Variants in ARID1A observed in about 807,000 individuals in gnomAD.
ARID1A encodes AT-rich interaction domain 1A, also known as AT-rich interactive domain-containing protein 1A.
A neutral mutation model predicts 212.6 loss-of-function variants in ARID1A; 20 were observed. The ratio of observed to expected loss-of-function variants is 0.09; its 90% CI spans 0.07 to 0.14. The LOEUF (loss-of-function observed/expected upper bound fraction) is 0.14, where lower values mean the gene tolerates loss of function less well. Ranked by LOEUF, ARID1A falls within the 10% of genes least tolerant of loss-of-function variation. The pLI is 1.00. For missense variants in ARID1A, 2,587 were observed against 3,059.0 expected (o/e 0.85, Z 3.64); for synonymous variants, 1,376 against 1,222.1 (o/e 1.13, Z -2.63).
chr1:26,714,976 TC>T (rs1257231908), intron 1 of ARID1A, among the ~76,000 whole-genome samples: 1 of 152,202 alleles, frequency 6.6e-6, no homozygotes, highest in African/African-American at 2.4e-5. Context: ...TAACTTCAGT[TC>T]CTACAGCTCA....
Position 26,772,926 on chromosome 1 carries a change from T to G in ARID1A, c.3654T>G (p.Ser1218=). The G allele has an allele frequency of 6.2e-7, 1 of 1,614,122 alleles. No homozygotes were observed. Among genetic ancestry groups the G allele is most frequent in the Non-Finnish European group, 8.5e-7 (1 of 1,179,998 alleles). The change falls in exon 14 of 20, where the codon TCT becomes TCG. Residue 1218 remains serine, a synonymous_variant. Coordinates refer to ENST00000324856, the MANE Select transcript of ARID1A (RefSeq NM_006015.6). ...NPGYQPSMNT[S]DMMGRMSYEP... The stretch of plus-strand genomic sequence containing the variant: ...GGTATCAGCCCAGTATGAATACCTC[T>G]GACATGATGGGGCGCATGTCCTATG...
At chr1:26,750,753 A>C (rs561225564) in intron 4 of ARID1A, among the ~76,000 whole-genome samples, 1 of 151,962 alleles carries the variant, frequency 6.6e-6, no homozygotes, top group East Asian at 1.9e-4. Flanking sequence ...TTCTACCTTC[A>C]TGGGACTTCT....
chr1:26,774,629 C>A lies in ARID1A; in HGVS notation c.4402C>A (p.Pro1468Thr), dbSNP rs376018873. 1 of 1,614,242 alleles carries A rather than the reference C, an allele frequency of 6.2e-7. No homozygotes were observed. Among genetic ancestry groups the A allele is most frequent in the Non-Finnish European group, 8.5e-7 (1 of 1,180,042 alleles). ...TGGCCGAGACCGTGTCTCTGCACCC[C>A]CTGGCACCAATGCCCAGCAAAACAT... ...QFGRDRVSAP[P>T]GTNAQQNMPP... The change falls in exon 18 of 20, where the codon CCT becomes ACT. Residue 1468 changes from proline (P) to threonine (T), a missense_variant. Physicochemically the swap from Pro to Thr is conservative, Grantham distance 38 (BLOSUM62 -1). Transcript: ENST00000324856. The surrounding 1 kb of genome is among the most constrained non-coding windows in gnomAD (Gnocchi z 5.6).
Position 26,773,088 on chromosome 1 carries a change from C to A in ARID1A, c.3715+101C>A, listed in dbSNP as rs906521784. On this transcript the variant is annotated intron_variant, in intron 14 of 19. Transcript: ENST00000324856. ...GGCTCAGGGTTCTTGTGGAGCCATC[C>A]TCTGAGATAATGCATTTCCTGCCCT... 2.0e-5 allele frequency: 29 copies of A among 1,463,516 alleles called. No homozygotes were observed. In the African/African-American group the frequency reaches 2.7e-4, roughly 14 times the overall value. 90.7% of individuals were successfully genotyped at this position (1,463,516 alleles called of 1,614,324 possible).
In ARID1A at chr1:26,775,632, G is replaced by C. The variant is rs2124126644; in HGVS notation, c.5049G>C (p.Glu1683Asp). ...MMSLKSGLLAESTWALDTINI... is the reference protein window; with the variant it reads ...MMSLKSGLLADSTWALDTINI... The stretch of plus-strand genomic sequence containing the variant: ...CCCTCAAGTCTGGTCTCCTGGCAGA[G>C]AGCACATGGGCATTAGATACCATCA... The change falls in exon 19 of 20, where the codon GAG becomes GAC. Residue 1683 changes from glutamate to aspartate, a missense_variant. Glu to Asp is a conservative substitution (Grantham distance 45, BLOSUM62 2). Transcript: ENST00000324856. 1 of 1,614,168 alleles carries C rather than the reference G, an allele frequency of 6.2e-7. No homozygotes were observed. Among genetic ancestry groups the C allele is most frequent in the Non-Finnish European group, 8.5e-7 (1 of 1,180,020 alleles).
At chr1:26,716,113 G>A (rs1241676661) in intron 1 of ARID1A, among the ~76,000 whole-genome samples, 1 of 151,390 alleles carries the variant, frequency 6.6e-6, no homozygotes, top group African/African-American at 2.4e-5. Flanking sequence ...GGCTGAGGCA[G>A]GAGAATCACT....
At chr1:26,758,905 C>CACCT (rs2080965571) in intron 4 of ARID1A, among the ~76,000 whole-genome samples, 1 of 152,216 alleles carries the variant, frequency 6.6e-6, no homozygotes, top group Non-Finnish European at 1.5e-5. Flanking sequence ...CACAAATGCA[C>CACCT]ACCTACCTAC....
chr1:26,754,154 G>A (rs183671883), intron 4 of ARID1A, among the ~76,000 whole-genome samples: 1 of 152,144 alleles, frequency 6.6e-6, no homozygotes, highest in Non-Finnish European at 1.5e-5. Flanking sequence ...AAACTGAACT[G>A]TTAGGAACAT....
At chr1:26,773,051 A>C in intron 14 of ARID1A, 64 bp downstream of exon 14, 1 of 1,554,422 alleles carries the variant, frequency 6.4e-7, no homozygotes, top group Admixed American at 1.8e-5. Flanking sequence ...AATGGGGGGA[A>C]ATCTTGAGAA....
chr1:26,712,013 T>G (rs931579024), intron 1 of ARID1A, among the ~76,000 whole-genome samples: 18 of 151,990 alleles, frequency 1.2e-4, no homozygotes, highest in African/African-American at 4.4e-4. Context: ...CAAGGAAGGC[T>G]GAGGCTGCAG....
At chr1:26,776,537 T>C (rs1482897211) in intron 19 of ARID1A, among the ~76,000 whole-genome samples, 1 of 152,144 alleles carries the variant, frequency 6.6e-6, no homozygotes, top group Non-Finnish European at 1.5e-5. Flanking sequence ...CCTCCCAAAG[T>C]GCTGGGATTA....
At chr1:26,705,418 G>A (rs1049203649) in intron 1 of ARID1A, among the ~76,000 whole-genome samples, 3 of 151,318 alleles carry the variant, frequency 2.0e-5, no homozygotes, top group African/African-American at 7.3e-5. Context: ...GGAATTACAG[G>A]TGTGAGCCAC....
intron 4 of ARID1A, among the ~76,000 whole-genome samples, chr1:26,744,628 GA>G (rs949081016): frequency 3.9e-5 from 6 of 152,258 alleles, no homozygotes; most frequent in Admixed American, 2.0e-4. Flanking sequence ...TTTGTACCTG[GA>G]GCTTTTAAAT....
intron 1 of ARID1A, among the ~76,000 whole-genome samples, chr1:26,715,439 A>T (rs1447270003): frequency 6.6e-6 from 1 of 152,232 alleles, no homozygotes; most frequent in African/African-American, 2.4e-5. Flanking sequence ...CATGTGGTCC[A>T]TCCATACCAA....
At chr1:26,728,396 A>C (rs2080639241) in intron 1 of ARID1A, among the ~76,000 whole-genome samples, 1 of 152,210 alleles carries the variant, frequency 6.6e-6, no homozygotes, top group South Asian at 2.1e-4. Context: ...AATTGTTTGG[A>C]TCTCCCCTTC....
Position 26,767,919 on chromosome 1 carries a change from A to C in ARID1A, c.3118A>C (p.Asn1040His). Reference protein sequence around the residue: ...FTEEKAMGMTNLPAVGRKPLD... With the variant: ...FTEEKAMGMTHLPAVGRKPLD... ...TGAGGAGAAGGCCATGGGCATGACAAATCTGCCTGCTGTGGGTAGGAAACC... is the reference window on the plus strand; with the variant it reads ...TGAGGAGAAGGCCATGGGCATGACACATCTGCCTGCTGTGGGTAGGAAACC... The change falls in exon 11 of 20, where the codon AAT (asparagine) becomes CAT (histidine). Residue 1040 changes from asparagine to histidine, a missense_variant. Asn to His is a moderately conservative substitution (Grantham distance 68, BLOSUM62 1). Around this residue, in one of 11 missense-constraint regions of ARID1A, gnomAD observed 44 missense variants for 99.5 expected, o/e 0.44. Coordinates refer to ENST00000324856, the MANE Select transcript of ARID1A (RefSeq NM_006015.6). 1 of 1,614,114 alleles carries C rather than the reference A, an allele frequency of 6.2e-7. No individual in the cohort carries two copies.
intron 1 of ARID1A, among the ~76,000 whole-genome samples, chr1:26,699,263 C>A (rs1292325594): frequency 2.0e-5 from 3 of 152,172 alleles, no homozygotes; most frequent in Admixed American, 2.0e-4. Context: ...TACCTTGTTA[C>A]ACTATTCTAT....
intron 1 of ARID1A, among the ~76,000 whole-genome samples, chr1:26,705,006 T>C (rs2080374996): frequency 6.6e-6 from 1 of 152,206 alleles, no homozygotes; most frequent in African/African-American, 2.4e-5. Context: ...GGTTGGGCCT[T>C]GGCACTTCAC....
At chr1:26,750,338 G>A (rs947091197) in intron 4 of ARID1A, among the ~76,000 whole-genome samples, 18 of 152,154 alleles carry the variant, frequency 1.2e-4, no homozygotes, top group African/African-American at 4.3e-4. Context: ...GCCTTTAGTT[G>A]TTGTACCTAT....
Sources: allele counts gnomAD v4.1 joint callset (sites outside exome capture counted in the v4.1 genomes callset), GRCh38; gene constraint gnomAD v4.1.1; regional missense constraint gnomAD v4.1.1; non-coding constraint Gnocchi (gnomAD v3.1); transcripts MANE v1.5; gene names NCBI Gene and HGNC (gene_info 2026-07-23, HGNC 2026-07-21).